CD163L1: variants seen among roughly 807,000 people sequenced by gnomAD.
CD163L1 encodes the protein CD163 molecule like 1, also known as scavenger receptor cysteine-rich type 1 protein M160.
A neutral mutation model predicts 165.4 loss-of-function variants in CD163L1; 124 were observed. The observed-to-expected ratio is 0.75, with a 90% CI of 0.65 to 0.87. The LOEUF is 0.87. Among genes scored for constraint, CD163L1 ranks in the 40% least tolerant of loss-of-function variants. CD163L1 has a pLI of 0.00. For missense variants in CD163L1, 1,525 were observed against 1,799.9 expected (o/e 0.85, Z 2.76); for synonymous variants, 585 against 662.2 (o/e 0.88, Z 1.79).
chr12:7,398,414 C>T lies in CD163L1; in HGVS notation c.1579G>A (p.Gly527Ser). Residue 527 changes from glycine to serine, a missense_variant, in exon 7 of 20, where the codon GGT becomes AGT. Transcript: ENST00000313599. This position sits in a 1 kb window ranked among gnomAD's most constrained non-coding sequence, Gnocchi z 4.5. ...GATGCTTCTTTAAAATAGGTCATAC[C>T]AAACACATGCAAAGGCTTTCCACAT... ...LGCGKPLHVF[G>S]MTYFKEASGP... The T allele has an allele frequency of 1.2e-6, 2 of 1,614,096 alleles. No individual in the cohort carries two copies. The highest frequency in any genetic ancestry group is 1.7e-6 in the Non-Finnish European group (2 of 1,180,012).
At chr12:7,396,862 G>A (rs1179169869) in intron 7 of CD163L1, among the ~76,000 whole-genome samples, 6 of 152,078 alleles carry the variant, frequency 3.9e-5, no homozygotes, top group Non-Finnish European at 5.9e-5. Context: ...CACACAGAGA[G>A]AGAGAGAGAG....
intron 4 of CD163L1, among the ~76,000 whole-genome samples, chr12:7,410,869 A>G (rs985619822): frequency 6.7e-5 from 10 of 148,668 alleles, no homozygotes; most frequent in African/African-American, 2.2e-4. Flanking sequence ...ATATATATAT[A>G]TAATAAAAAA....
Position 7,432,342 on chromosome 12 carries a change from G to T in CD163L1, c.766+74C>A. On this transcript the variant is annotated intron_variant, in intron 4 of 19. Coordinates refer to ENST00000313599, the MANE Select transcript of CD163L1 (RefSeq NM_174941.6). This position sits in a 1 kb window ranked among gnomAD's most constrained non-coding sequence, Gnocchi z 4.2. Reference sequence around the variant, plus strand: ...GAAAATTCTTCTCCAGAGAATGATTGACCTTTTTCTTTCCATACATACTGT... The same window carrying T: ...GAAAATTCTTCTCCAGAGAATGATTTACCTTTTTCTTTCCATACATACTGT... The T allele has an allele frequency of 1.8e-6, 2 of 1,129,018 alleles. No homozygotes were observed. The highest frequency in any genetic ancestry group is 2.5e-6 in the Non-Finnish European group (2 of 785,784). The allele number at this position is 1,129,018 out of a possible 1,614,324, so 69.9% of individuals were successfully genotyped here. A position where few individuals can be genotyped will look rare whatever the true frequency, so the allele number is the denominator to read the frequency against.
At chr12:7,437,293 TAC>T (rs1251785965) in intron 2 of CD163L1, among the ~76,000 whole-genome samples, 2 of 16,526 alleles carry the variant, frequency 1.2e-4, no homozygotes, top group Non-Finnish European at 4.4e-4. Context: ...TTAATAGTAT[TAC>T]TTTTATTTTA....
At chr12:7,433,328 T>C (rs1328474410) in intron 3 of CD163L1, 46 bp downstream of exon 3, 49 of 1,493,922 alleles carry the variant, frequency 3.3e-5, no homozygotes, top group Non-Finnish European at 4.2e-5. Context: ...AGATGATTCC[T>C]GAGGGTAGGT....
chr12:7,344,503 CT>C (rs1400511915), downstream of CD163L1, among the ~76,000 whole-genome samples: 2 of 152,222 alleles, frequency 1.3e-5, no homozygotes, highest in Non-Finnish European at 2.9e-5. Context: ...GCCCCTTTGG[CT>C]TTTTCATGCT....
At chr12:7,441,700 T>C (rs1267631491) in intron 1 of CD163L1, among the ~76,000 whole-genome samples, 3 of 152,186 alleles carry the variant, frequency 2.0e-5, no homozygotes, top group Non-Finnish European at 2.9e-5. Flanking sequence ...ATTATGGGAA[T>C]AGAGGAATGA....
chr12:7,356,889 C>T (rs1169822812), intron 19 of CD163L1, among the ~76,000 whole-genome samples: 1 of 152,096 alleles, frequency 6.6e-6, no homozygotes, highest in Non-Finnish European at 1.5e-5. Context: ...ACTGCTATTA[C>T]GTTAATGTTT....
chr12:7,349,087 G>GT (rs1946690876), intron 4 of CD163L1, among the ~76,000 whole-genome samples: 1 of 152,010 alleles, frequency 6.6e-6, no homozygotes. Flanking sequence ...GAGAAATTGT[G>GT]GAGAATTCAA....
At chr12:7,349,197 A>G (rs1369689174) in intron 4 of CD163L1, among the ~76,000 whole-genome samples, 1 of 152,228 alleles carries the variant, frequency 6.6e-6, no homozygotes, top group African/African-American at 2.4e-5. Context: ...CTTATCTTTA[A>G]TCAAATGACA....
In CD163L1 at chr12:7,368,580, G is replaced by GC. The variant is rs1947070855; in HGVS notation, c.4072+352_4072+353insG. Among the ~76,000 whole-genome samples the GC allele has an allele frequency of 6.8e-6, 1 of 148,104 alleles. No homozygotes were observed. ...TCTCATTCTGTCACCCAGGCTGAGTGTACTGGCACGATCTCGGCTCACTGC... is the reference window on the plus strand; with the variant it reads ...TCTCATTCTGTCACCCAGGCTGAGTGCTACTGGCACGATCTCGGCTCACTGC... On this transcript the variant is annotated intron_variant, in intron 16 of 19. Transcript: ENST00000313599. The surrounding 1 kb of genome is among the most constrained non-coding windows in gnomAD (Gnocchi z 4.3).
the CD163L1 span, among the ~76,000 whole-genome samples, chr12:7,335,124 G>A: frequency 9.3e-5 from 14 of 151,332 alleles, no homozygotes; most frequent in East Asian, 3.9e-4. Context: ...CTTTCTTCAC[G>A]GAATTGGAAA....
intron 2 of CD163L1, among the ~76,000 whole-genome samples, chr12:7,435,433 G>C (rs1239587880): frequency 6.6e-6 from 1 of 151,618 alleles, no homozygotes. Context: ...ATATTTCACA[G>C]AAGAAAACAA....
At chr12:7,333,764 C>G in the CD163L1 span, among the ~76,000 whole-genome samples, 3 of 151,810 alleles carry the variant, frequency 2.0e-5, no homozygotes, top group South Asian at 2.1e-4. Flanking sequence ...AAGAAGAAAA[C>G]AGAGAAGAAT....
In CD163L1 at chr12:7,379,043, C is replaced by T. The variant is rs1451204695; in HGVS notation, c.2306G>A (p.Cys769Tyr). 1.2e-6 allele frequency: 2 copies of T among 1,614,154 alleles called. No homozygotes were observed. Among genetic ancestry groups the T allele is most frequent in the African/African-American group, 1.3e-5 (1 of 75,048 alleles). Residue 769 changes from cysteine to tyrosine, a missense_variant, in exon 9 of 20, where the codon TGT (cysteine) becomes TAT (tyrosine). Coordinates refer to ENST00000313599, the MANE Select transcript of CD163L1 (RefSeq NM_174941.6). ...CTGGEASLWD[C>Y]IRWEWKQTAC... ...AGTCTGTTTCCACTCCCATCGTATA[C>T]AATCCCAGAGAGAGGCTTCCCCTCC... is the stretch of plus-strand genomic sequence containing the variant.
In CD163L1 at chr12:7,368,431, A is replaced by G. The variant is rs979418548; in HGVS notation, c.4073-234T>C. 6.6e-6 allele frequency among the ~76,000 whole-genome samples: 1 copy of G among 152,182 alleles called. No individual in the cohort carries two copies. The highest frequency in any genetic ancestry group is 1.5e-5 in the Non-Finnish European group (1 of 68,030). ...TGCCCTAAATTACTTCCAATTTTAT[A>G]CAAGAGATTTGATAACTAAACCTTT... On this transcript the variant is annotated intron_variant, in intron 16 of 19. Transcript: ENST00000313599. This position sits in a 1 kb window ranked among gnomAD's most constrained non-coding sequence, Gnocchi z 4.3.
At chr12:7,418,527 C>G (rs1364476587) in intron 4 of CD163L1, among the ~76,000 whole-genome samples, 2 of 151,574 alleles carry the variant, frequency 1.3e-5, no homozygotes, top group Non-Finnish European at 2.9e-5. Context: ...AAAATTATAC[C>G]AAAGATCAGA....
chr12:7,393,792 C>G (rs1341702436), intron 8 of CD163L1, among the ~76,000 whole-genome samples: 1 of 151,884 alleles, frequency 6.6e-6, no homozygotes, highest in Non-Finnish European at 1.5e-5. Flanking sequence ...ACAAACAGAG[C>G]CAAATCATGA....
intron 4 of CD163L1, among the ~76,000 whole-genome samples, chr12:7,420,375 A>G (rs148802704): frequency 1.4e-3 from 208 of 152,216 alleles, no homozygotes; most frequent in African/African-American, 4.9e-3. Flanking sequence ...ATTAAATAAA[A>G]AAGCTTCTGC....
Sources: allele counts gnomAD v4.1 joint callset (sites outside exome capture counted in the v4.1 genomes callset), GRCh38; gene constraint gnomAD v4.1.1; non-coding constraint Gnocchi (gnomAD v3.1); transcripts MANE v1.5; gene names NCBI Gene and HGNC (gene_info 2026-07-23, HGNC 2026-07-21).